ACCSL: variants seen among roughly 807,000 people sequenced by gnomAD.
The protein encoded by ACCSL is probable inactive 1-aminocyclopropane-1-carboxylate synthase-like protein 2.
A neutral mutation model predicts 61.7 loss-of-function variants in ACCSL; 55 were observed. The ratio of observed to expected loss-of-function variants is 0.89; its 90% CI spans 0.72 to 1.12. The LOEUF is 1.12. Among genes scored for constraint, ACCSL ranks in the 50% most tolerant of loss-of-function variants. The pLI is 0.00. For missense variants in ACCSL, 632 were observed against 698.0 expected (o/e 0.91, Z 1.07); for synonymous variants, 258 against 264.3 (o/e 0.98, Z 0.23).
chr11:43,943,359 C>A, the ACCSL span: 1 of 1,389,792 alleles, frequency 7.2e-7, no homozygotes, highest in Non-Finnish European at 9.3e-7. The surrounding 1 kb of genome is among the most constrained non-coding windows in gnomAD (Gnocchi z 4.8). Flanking sequence ...GCGCCCTGCT[C>A]CCGGGGGACC....
At chr11:44,000,188 G>A in the ACCSL span, among the ~76,000 whole-genome samples, 3 of 151,790 alleles carry the variant, frequency 2.0e-5, no homozygotes, top group Non-Finnish European at 4.4e-5. Flanking sequence ...GCAGTGGCAC[G>A]ATCTCAGCTC....
the ACCSL span, chr11:44,000,958 G>C: frequency 6.6e-6 from 1 of 152,140 alleles, no homozygotes; most frequent in Non-Finnish European, 1.5e-5. Context: ...GATAAGTTAA[G>C]AAAATTGAGC....
chr11:43,926,560 T>A, the ACCSL span: 1 of 449,842 alleles, frequency 2.2e-6, no homozygotes, highest in South Asian at 1.6e-5. Flanking sequence ...GAGGGATACG[T>A]GAAAGGAAGA....
At chr11:44,008,827 G>T in the ACCSL span, among the ~76,000 whole-genome samples, 1 of 152,322 alleles carries the variant, frequency 6.6e-6, no homozygotes, top group South Asian at 2.1e-4. Flanking sequence ...ACAACTCTCA[G>T]AAGTAGGTGT....
At chr11:44,029,904 C>A in the ACCSL span, among the ~76,000 whole-genome samples, 1 of 150,772 alleles carries the variant, frequency 6.6e-6, no homozygotes, top group Non-Finnish European at 1.5e-5. Flanking sequence ...ACATGAGGTT[C>A]TTGGAAGTGA....
chr11:43,955,764 G>A, the ACCSL span, among the ~76,000 whole-genome samples: 3 of 152,008 alleles, frequency 2.0e-5, no homozygotes, highest in South Asian at 4.1e-4. Flanking sequence ...TGCAAATCTT[G>A]TTACCTCTGG....
the ACCSL span, chr11:43,942,949 C>T: frequency 2.7e-6 from 4 of 1,472,096 alleles, no homozygotes; most frequent in Non-Finnish European, 3.6e-6. Flanking sequence ...GCTCCAGTTA[C>T]CAGGCGGTGA....
the ACCSL span, chr11:43,921,082 T>C: frequency 1.3e-5 from 2 of 152,138 alleles, no homozygotes; most frequent in Non-Finnish European, 2.9e-5. Flanking sequence ...CAAACCAAGA[T>C]ACAGAAAACC....
intron 2 of ACCSL, 25 bp from the exon 3 acceptor site, chr11:44,050,527 G>A (rs751053876): frequency 1.2e-6 from 2 of 1,612,016 alleles, no homozygotes; most frequent in African/African-American, 2.7e-5. Flanking sequence ...TGGCCTACCT[G>A]TCTTCATGTT....
chr11:44,055,321 G>A (rs1431589432), intron 9 of ACCSL, 30 bp downstream of exon 9: 4 of 1,563,638 alleles, frequency 2.6e-6, no homozygotes, highest in East Asian at 2.3e-5. Context: ...AGTTGGGAAC[G>A]AGAACCACAA....
At chr11:44,058,976 C>G (rs997983674) in intron 13 of ACCSL, among the ~76,000 whole-genome samples, 3 of 152,134 alleles carry the variant, frequency 2.0e-5, no homozygotes, top group Admixed American at 6.5e-5. Flanking sequence ...GGTGCGGTGT[C>G]TTATGCCTGT....
chr11:43,992,010 TTTTC>T, the ACCSL span, among the ~76,000 whole-genome samples: 1 of 151,692 alleles, frequency 6.6e-6, no homozygotes, highest in Non-Finnish European at 1.5e-5. Flanking sequence ...CCATCTTTTT[TTTTC>T]TTTCTTTTTT....
the ACCSL span, among the ~76,000 whole-genome samples, chr11:43,960,188 T>G: frequency 6.6e-6 from 1 of 152,206 alleles, no homozygotes; most frequent in Non-Finnish European, 1.5e-5. Context: ...AACACCCATC[T>G]TATTGTCTGT....
chr11:44,019,008 A>G, the ACCSL span, among the ~76,000 whole-genome samples: 1 of 152,180 alleles, frequency 6.6e-6, no homozygotes, highest in Non-Finnish European at 1.5e-5. Context: ...TTCTGTCTGT[A>G]TGAATTTGAC....
chr11:43,976,009 A>G, the ACCSL span, among the ~76,000 whole-genome samples: 3 of 152,160 alleles, frequency 2.0e-5, no homozygotes, highest in Admixed American at 6.5e-5. Context: ...TTGTTATTCT[A>G]TGCCTGTCCC....
At chr11:44,053,188 C>T in intron 7 of ACCSL, 120 bp downstream of exon 7, 1 of 946,768 alleles carries the variant, frequency 1.1e-6, no homozygotes, top group Non-Finnish European at 1.6e-6. Context: ...TTGGAAGAGA[C>T]AGTAAATGAT....
the ACCSL span, among the ~76,000 whole-genome samples, chr11:44,007,246 T>A: frequency 6.6e-6 from 1 of 152,190 alleles, no homozygotes; most frequent in Non-Finnish European, 1.5e-5. Flanking sequence ...CTGTCTCAGA[T>A]GGATGACTCT....
At chr11:44,052,933 A>G in intron 6 of ACCSL, 58 bp from the exon 7 acceptor site, 1 of 1,556,088 alleles carries the variant, frequency 6.4e-7, no homozygotes, top group Non-Finnish European at 8.9e-7. Context: ...GCTTATGGGA[A>G]TGAGGAATCA....
chr11:43,970,729 T>C, the ACCSL span, among the ~76,000 whole-genome samples: 2 of 152,234 alleles, frequency 1.3e-5, no homozygotes, highest in Non-Finnish European at 2.9e-5. Context: ...CATGTATTTA[T>C]GTTGGTGTAG....
Sources: gnomAD v4.1 joint callset for allele counts (sites outside exome capture counted in the v4.1 genomes callset) on GRCh38, gnomAD v4.1.1 for gene constraint, Gnocchi (gnomAD v3.1) non-coding constraint, MANE v1.5 for transcripts, NCBI Gene and HGNC (gene_info 2026-07-23, HGNC 2026-07-21) for gene names.